The following PTPRT variants were observed in gnomAD, a reference collection of about 807,000 sequenced individuals.
The protein encoded by PTPRT is protein tyrosine phosphatase receptor type T, also known as receptor-type tyrosine-protein phosphatase T.
In PTPRT, 56 loss-of-function variants were observed where a neutral mutation model predicts 176.8. That is an observed-to-expected ratio of 0.32 (90% CI 0.26 to 0.40). PTPRT has a LOEUF of 0.40. Among genes scored for constraint, PTPRT ranks in the 10% least tolerant of loss-of-function variants. The pLI, the probability that PTPRT is intolerant of heterozygous loss-of-function variation, is 1.00. For synonymous variants in PTPRT, 783 were observed against 739.0 expected, an observed-to-expected ratio of 1.06 and a Z score of -0.96; for missense variants, 1,540 against 1,908.2, an observed-to-expected ratio of 0.81 and a Z score of 3.60.
chr20:42,462,677 T>C (rs1325270897), intron 8 of PTPRT, among the ~76,000 whole-genome samples: 1 of 152,164 alleles, frequency 6.6e-6, no homozygotes, highest in African/African-American at 2.4e-5. Flanking sequence ...TATTTAAAAG[T>C]GGCCTTTTGC....
the PTPRT span, among the ~76,000 whole-genome samples, chr20:42,033,295 G>A: frequency 1.3e-5 from 2 of 152,226 alleles, no homozygotes; most frequent in East Asian, 1.9e-4. Flanking sequence ...TGATTTCCAG[G>A]CTAGAGTTCT....
intron 15 of PTPRT, among the ~76,000 whole-genome samples, chr20:42,211,850 A>T (rs956404082): frequency 6.6e-6 from 1 of 151,848 alleles, no homozygotes; most frequent in Non-Finnish European, 1.5e-5. Flanking sequence ...ATGCACACAT[A>T]TGTTTATTGC....
At chr20:42,464,244 T>C (rs1198358042) in intron 8 of PTPRT, among the ~76,000 whole-genome samples, 1 of 152,186 alleles carries the variant, frequency 6.6e-6, no homozygotes, top group Non-Finnish European at 1.5e-5. Context: ...CATTTATTCA[T>C]CCATCTATTC....
intron 7 of PTPRT, among the ~76,000 whole-genome samples, chr20:42,580,072 A>G (rs1339202035): frequency 1.3e-5 from 2 of 152,094 alleles, no homozygotes; most frequent in African/African-American, 2.4e-5. Context: ...TCTTGAATTA[A>G]TTTTTCTATT....
In PTPRT at chr20:42,072,807, C is replaced by T. The variant is rs1254916722; in HGVS notation, c.*8072G>A. Reference sequence around the variant, plus strand: ...CAGCTTTATTGTATAGATTTTTTAACACAGCCATGTTACAAACATTGTCAG... The same window carrying T: ...CAGCTTTATTGTATAGATTTTTTAATACAGCCATGTTACAAACATTGTCAG... On this transcript the variant is annotated 3_prime_UTR_variant, in exon 31 of 31. Coordinates refer to ENST00000373187, the MANE Select transcript of PTPRT (RefSeq NM_007050.6). The T allele has an allele frequency of 4.6e-6, 1 of 217,416 alleles. No individual in the cohort carries two copies. Among genetic ancestry groups the T allele is most frequent in the Admixed American group, 5.8e-5 (1 of 17,244 alleles). 13.5% of individuals were successfully genotyped at this position (217,416 alleles called of 1,614,324 possible).
intron 9 of PTPRT, among the ~76,000 whole-genome samples, chr20:42,437,393 T>C (rs2059271561): frequency 1.3e-5 from 2 of 152,182 alleles, no homozygotes; most frequent in Non-Finnish European, 2.9e-5. Context: ...TCAAGTACAC[T>C]CTGCAATGAC....
intron 8 of PTPRT, among the ~76,000 whole-genome samples, chr20:42,449,301 G>A (rs913999931): frequency 3.3e-5 from 5 of 152,166 alleles, no homozygotes; most frequent in African/African-American, 1.2e-4. Flanking sequence ...ACTAATAAGT[G>A]CAACCTTTCC....
chr20:42,191,838 C>A (rs546365745), intron 16 of PTPRT, among the ~76,000 whole-genome samples: 3 of 152,268 alleles, frequency 2.0e-5, no homozygotes, highest in African/African-American at 7.2e-5. Flanking sequence ...AAGATGGAAC[C>A]AGGTCTGGGC....
Position 42,768,011 on chromosome 20 carries a change from C to CAG in PTPRT, c.684+3423_684+3424insCT, listed in dbSNP as rs1373455814. 1.6e-3 allele frequency among the ~76,000 whole-genome samples: 239 copies of CAG among 150,124 alleles called. 1 individual carries two copies. The highest frequency in any genetic ancestry group is 5.5e-3 in the African/African-American group (224 of 40,942). ...ACACACACACACACACACACACACA[C>CAG]ACACACACACACACTGCTTCTCTGG... On this transcript the variant is annotated intron_variant, in intron 5 of 30. Coordinates refer to ENST00000373187, the MANE Select transcript of PTPRT (RefSeq NM_007050.6).
At chr20:43,178,514 A>G (rs761114328) in intron 1 of PTPRT, among the ~76,000 whole-genome samples, 1 of 152,236 alleles carries the variant, frequency 6.6e-6, no homozygotes, top group Non-Finnish European at 1.5e-5. Context: ...GGACAATCTT[A>G]GGCAGAGGAA....
chr20:42,544,110 G>A (rs1488369563), intron 7 of PTPRT, among the ~76,000 whole-genome samples: 1 of 152,202 alleles, frequency 6.6e-6, no homozygotes, highest in Non-Finnish European at 1.5e-5. Context: ...CCTCACTAGA[G>A]AGCAAGTCTG....
At chr20:43,069,095 T>C (rs2011148846) in intron 1 of PTPRT, among the ~76,000 whole-genome samples, 1 of 152,200 alleles carries the variant, frequency 6.6e-6, no homozygotes, top group Admixed American at 6.5e-5. Context: ...TGCTCTCCTC[T>C]GACCCTCAGC....
intron 13 of PTPRT, among the ~76,000 whole-genome samples, chr20:42,279,762 C>T (rs2057107677): frequency 6.6e-6 from 1 of 152,180 alleles, no homozygotes; most frequent in Admixed American, 6.5e-5. Context: ...TAGAATGATC[C>T]TGAATGAGTG....
At chr20:43,124,364 C>T (rs2013368163) in intron 1 of PTPRT, among the ~76,000 whole-genome samples, 1 of 152,086 alleles carries the variant, frequency 6.6e-6, no homozygotes, top group South Asian at 2.1e-4. Flanking sequence ...TCAGGAGACC[C>T]CAGTCAACTA....
At chr20:42,246,741 T>G (rs2056458515) in intron 14 of PTPRT, among the ~76,000 whole-genome samples, 1 of 152,218 alleles carries the variant, frequency 6.6e-6, no homozygotes, top group South Asian at 2.1e-4. Flanking sequence ...ATATCTGATT[T>G]ACAAATCAGT....
chr20:42,906,380 C>T (rs1219772564), intron 1 of PTPRT, among the ~76,000 whole-genome samples: 4 of 152,188 alleles, frequency 2.6e-5, no homozygotes, highest in Admixed American at 2.6e-4. Flanking sequence ...ACTCCATCTC[C>T]CTCATGGCTC....
intron 2 of PTPRT, among the ~76,000 whole-genome samples, chr20:42,814,808 C>T (rs2077755553): frequency 6.6e-6 from 1 of 152,002 alleles, no homozygotes; most frequent in African/African-American, 2.4e-5. Flanking sequence ...AAGGTTTTTT[C>T]AATCAGAAGG....
intron 2 of PTPRT, among the ~76,000 whole-genome samples, chr20:42,841,674 A>G (rs2078281770): frequency 6.7e-6 from 1 of 149,312 alleles, no homozygotes; most frequent in African/African-American, 2.5e-5. Context: ...CTCTCTCTCC[A>G]TTTTCATAAC....
Position 42,078,783 on chromosome 20 carries a change from C to G in PTPRT, c.*2096G>C, listed in dbSNP as rs1397105655. 5.7e-6 allele frequency: 1 copy of G among 175,860 alleles called. No homozygotes were observed. The highest frequency in any genetic ancestry group is 1.2e-5 in the Non-Finnish European group (1 of 81,668). 10.9% of individuals were successfully genotyped at this position (175,860 alleles called of 1,614,324 possible). On this transcript the variant is annotated 3_prime_UTR_variant, in exon 31 of 31. Transcript: ENST00000373187. ...TTTCTTTGCCATTGCACATATGGAT[C>G]CCTTTGCCTGAGTTTCCTTTTTTTC...
Sources: gnomAD v4.1 joint callset for allele counts (sites outside exome capture counted in the v4.1 genomes callset) on GRCh38, gnomAD v4.1.1 for gene constraint, MANE v1.5 for transcripts, NCBI Gene and HGNC (gene_info 2026-07-23, HGNC 2026-07-21) for gene names.